Variants in BCKDHB observed in about 807,000 individuals in gnomAD.
BCKDHB encodes 2-oxoisovalerate dehydrogenase subunit beta, mitochondrial.
Under a neutral mutation model 48.5 loss-of-function variants are expected in BCKDHB, and 41 were observed. That is an observed-to-expected ratio of 0.85 (90% confidence interval 0.66 to 1.10). The LOEUF (loss-of-function observed/expected upper bound fraction) is 1.10, where lower values mean the gene tolerates loss of function less well. Ranked by LOEUF, BCKDHB falls within the 50% of genes least tolerant of loss-of-function variation. BCKDHB has a pLI of 0.00. For synonymous variants in BCKDHB, 201 were observed against 174.8 expected, an observed-to-expected ratio of 1.15 and a Z score of -1.18; for missense variants, 496 against 494.2, an observed-to-expected ratio of 1.00 and a Z score of -0.03.
chr6:80,289,008 C>G (rs1173154231), intron 9 of BCKDHB, among the ~76,000 whole-genome samples: 1 of 152,036 alleles, frequency 6.6e-6, no homozygotes, highest in Non-Finnish European at 1.5e-5. Context: ...AAATAGATGT[C>G]ACATTTTAAA....
At chr6:80,422,353 G>A in the BCKDHB span, among the ~76,000 whole-genome samples, 145 of 152,352 alleles carry the variant, frequency 9.5e-4, no homozygotes, top group African/African-American at 3.3e-3. Context: ...CCAGGCAGAA[G>A]TCTGTTGCAG....
At chr6:80,160,602 T>C (rs568125222) in intron 3 of BCKDHB, among the ~76,000 whole-genome samples, 3 of 152,330 alleles carry the variant, frequency 2.0e-5, no homozygotes, top group South Asian at 2.1e-4. Context: ...ACCTGCTGAT[T>C]TTAATATGAA....
intron 6 of BCKDHB, among the ~76,000 whole-genome samples, chr6:80,190,073 G>A (rs971218330): frequency 5.5e-4 from 83 of 152,218 alleles, no homozygotes; most frequent in African/African-American, 1.9e-3. Context: ...GTGATATATA[G>A]TAATGCACTG....
At chr6:80,209,208 T>G (rs1237315161) in intron 8 of BCKDHB, among the ~76,000 whole-genome samples, 1 of 151,968 alleles carries the variant, frequency 6.6e-6, no homozygotes, top group Non-Finnish European at 1.5e-5. Context: ...GCAAAAATTA[T>G]AATTCCTAGT....
intron 8 of BCKDHB, among the ~76,000 whole-genome samples, chr6:80,225,487 T>C (rs1775642779): frequency 6.6e-6 from 1 of 152,180 alleles, no homozygotes; most frequent in Non-Finnish European, 1.5e-5. Flanking sequence ...TTATGAAATA[T>C]CAACTATAAA....
intron 8 of BCKDHB, among the ~76,000 whole-genome samples, chr6:80,244,547 G>C (rs1158223981): frequency 6.6e-6 from 1 of 152,156 alleles, no homozygotes. Flanking sequence ...GAACAGAACT[G>C]TTGTTGCCCT....
intron 3 of BCKDHB, among the ~76,000 whole-genome samples, chr6:80,138,506 A>G (rs1412499725): frequency 1.3e-5 from 2 of 151,238 alleles, no homozygotes; most frequent in East Asian, 1.9e-4. Flanking sequence ...ATGTGTTCTC[A>G]TTGTTCAATT....
the BCKDHB span, among the ~76,000 whole-genome samples, chr6:80,426,703 T>C: frequency 6.6e-6 from 1 of 152,156 alleles, no homozygotes; most frequent in Non-Finnish European, 1.5e-5. Flanking sequence ...ACAAATTTAA[T>C]CTTTAAAAAA....
chr6:80,202,899 T>C (rs894508139), intron 7 of BCKDHB, among the ~76,000 whole-genome samples: 13 of 152,118 alleles, frequency 8.5e-5, no homozygotes, highest in African/African-American at 3.1e-4. Context: ...AAGCACCTCT[T>C]TCCATCTGTT....
the BCKDHB span, among the ~76,000 whole-genome samples, chr6:80,364,505 C>T: frequency 3.9e-5 from 6 of 152,080 alleles, no homozygotes; most frequent in Non-Finnish European, 5.9e-5. Flanking sequence ...TCTGATGTTT[C>T]GAAGTAATTT....
At chr6:80,290,998 G>A (rs1469149304) in intron 9 of BCKDHB, among the ~76,000 whole-genome samples, 1 of 152,194 alleles carries the variant, frequency 6.6e-6, no homozygotes, top group African/African-American at 2.4e-5. Context: ...CTTGGTTTTG[G>A]TGGGTCTTAG....
intron 8 of BCKDHB, among the ~76,000 whole-genome samples, chr6:80,254,466 C>A (rs779189575): frequency 5.9e-5 from 9 of 151,974 alleles, no homozygotes; most frequent in Non-Finnish European, 1.2e-4. Context: ...GAGGCCGAAG[C>A]AGGAGGATTG....
At chr6:80,308,756 G>A (rs1052451686) in intron 9 of BCKDHB, among the ~76,000 whole-genome samples, 6 of 151,698 alleles carry the variant, frequency 4.0e-5, no homozygotes, top group South Asian at 2.1e-4. Context: ...CACCACGCCC[G>A]GCTAATTTTT....
the BCKDHB span, among the ~76,000 whole-genome samples, chr6:80,429,233 A>G: frequency 2.0e-5 from 3 of 152,024 alleles, no homozygotes; most frequent in African/African-American, 4.8e-5. Context: ...TGGTCTATGT[A>G]TCTGTTTTGG....
chr6:80,210,773 G>A (rs1345375782), intron 8 of BCKDHB, among the ~76,000 whole-genome samples: 2 of 152,100 alleles, frequency 1.3e-5, no homozygotes, highest in Non-Finnish European at 2.9e-5. Context: ...CAGCTCAGCT[G>A]TCATGCTGAT....
At chr6:80,395,800 C>G in the BCKDHB span, among the ~76,000 whole-genome samples, 1 of 152,170 alleles carries the variant, frequency 6.6e-6, no homozygotes, top group Non-Finnish European at 1.5e-5. Context: ...GTTTCATGGG[C>G]CAGGCTCAGG....
intron 1 of BCKDHB, among the ~76,000 whole-genome samples, chr6:80,117,360 C>T (rs1427202466): frequency 4.6e-5 from 7 of 152,206 alleles, no homozygotes; most frequent in African/African-American, 1.7e-4. Flanking sequence ...TTCCTCCCTA[C>T]TAATAACTTG....
chr6:80,202,941 AAT>A (rs1774464236), intron 7 of BCKDHB, among the ~76,000 whole-genome samples, 159 bp from the exon 8 acceptor site: 1 of 152,230 alleles, frequency 6.6e-6, no homozygotes, highest in African/African-American at 2.4e-5. Context: ...ATTTTCGCAG[AAT>A]ATGGGCTTCA....
At chr6:80,124,991 G>A (rs1770265579) in intron 1 of BCKDHB, among the ~76,000 whole-genome samples, 1 of 152,168 alleles carries the variant, frequency 6.6e-6, no homozygotes, top group Admixed American at 6.6e-5. Context: ...CCTGTCCTTT[G>A]AAGCCAGGCA....
Sources: gnomAD v4.1 joint callset for allele counts (sites outside exome capture counted in the v4.1 genomes callset) on GRCh38, gnomAD v4.1.1 for gene constraint, MANE v1.5 for transcripts, NCBI Gene and HGNC (gene_info 2026-07-23, HGNC 2026-07-21) for gene names.